Variants in BICD1 observed in about 807,000 individuals in gnomAD.
BICD1 encodes the protein BICD cargo adaptor 1.
BICD1 carries 35 observed loss-of-function variants against 92.5 expected under a neutral mutation model. The observed-to-expected ratio is 0.38, with a 90% confidence interval of 0.29 to 0.50. The LOEUF is 0.50. BICD1 is among the 20% of genes least tolerant of loss of function. The pLI is 0.93. For synonymous variants in BICD1, 429 were observed against 465.1 expected, an observed-to-expected ratio of 0.92 and a Z score of 1.00; for missense variants, 950 against 1,189.8, an observed-to-expected ratio of 0.80 and a Z score of 2.97.
At chr12:32,309,604 C>T (rs929354328) in intron 4 of BICD1, among the ~76,000 whole-genome samples, 4 of 152,080 alleles carry the variant, frequency 2.6e-5, no homozygotes. Context: ...CTGAATACTG[C>T]CAAGTGAGTT....
chr12:32,136,299 G>A (rs560141371), intron 1 of BICD1, among the ~76,000 whole-genome samples: 4 of 152,286 alleles, frequency 2.6e-5, no homozygotes, highest in Admixed American at 6.5e-5. Flanking sequence ...AGGTCTGAAC[G>A]TCACACTGTT....
chr12:32,108,435 G>A (rs2121113167), intron 1 of BICD1: 1 of 414,820 alleles, frequency 2.4e-6, no homozygotes, highest in Non-Finnish European at 4.3e-6. Context: ...TCACTCTTAA[G>A]AACATACATA....
At chr12:32,241,294 T>C (rs541161349) in intron 2 of BICD1, among the ~76,000 whole-genome samples, 1 of 152,342 alleles carries the variant, frequency 6.6e-6, no homozygotes, top group South Asian at 2.1e-4. Context: ...TGGGAATAGC[T>C]GCATGTATAA....
intron 2 of BICD1, among the ~76,000 whole-genome samples, chr12:32,234,385 G>A (rs936623957): frequency 6.6e-6 from 1 of 151,748 alleles, no homozygotes; most frequent in Non-Finnish European, 1.5e-5. Flanking sequence ...ATCACCGGAG[G>A]TCGGGGGTTC....
At chr12:32,169,888 G>A (rs1446215995) in intron 1 of BICD1, among the ~76,000 whole-genome samples, 1 of 152,146 alleles carries the variant, frequency 6.6e-6, no homozygotes, top group African/African-American at 2.4e-5. Context: ...GAGCCACTGC[G>A]CCTGGCCCCC....
chr12:32,157,604 C>G (rs1268254629), intron 1 of BICD1, among the ~76,000 whole-genome samples: 1 of 152,120 alleles, frequency 6.6e-6, no homozygotes, highest in Non-Finnish European at 1.5e-5. Context: ...CCTGGGTGCC[C>G]AAGGATACCT....
chr12:32,294,202 C>G, intron 3 of BICD1, 56 bp downstream of exon 3: 1 of 1,481,048 alleles, frequency 6.8e-7, no homozygotes. Flanking sequence ...CTTCTGACCA[C>G]TAGGGTTAAA....
chr12:32,317,208 T>TAC, intron 4 of BICD1, among the ~76,000 whole-genome samples: 1 of 152,368 alleles, frequency 6.6e-6, no homozygotes, highest in Non-Finnish European at 1.5e-5. Flanking sequence ...TTATAATCCT[T>TAC]TGGGTATATA....
chr12:32,356,513 C>T (rs1265037931), intron 8 of BICD1, among the ~76,000 whole-genome samples: 2 of 151,780 alleles, frequency 1.3e-5, no homozygotes, highest in South Asian at 2.1e-4. Context: ...ATTAGCTGGG[C>T]GTAGTGGCAC....
chr12:32,107,449 G>A lies in BICD1; in HGVS notation c.118G>A (p.Val40Met). ...GATCCAGGCTGCCGAGTACGGGCTG[G>A]TGGTGCTGGAGGAGAAGCTGACCCT... ...EKIQAAEYGL[V>M]VLEEKLTLKQ... Residue 40 changes from valine (V) to methionine (M), a missense_variant, in exon 1 of 10, where the codon GTG becomes ATG. Physicochemically the swap from Val to Met is conservative, Grantham distance 21. This residue lies in a region of BICD1 where 202 missense variants were observed against 205.3 expected (regional missense o/e 0.98). Transcript: ENST00000652176. 4 of 1,611,880 alleles carry A rather than the reference G, an allele frequency of 2.5e-6. No homozygotes were observed. The highest frequency in any genetic ancestry group is 2.5e-6 in the Non-Finnish European group (3 of 1,179,218).
At chr12:32,160,371 C>T (rs1943563982) in intron 1 of BICD1, among the ~76,000 whole-genome samples, 1 of 152,166 alleles carries the variant, frequency 6.6e-6, no homozygotes, top group Non-Finnish European at 1.5e-5. Flanking sequence ...AATGTAAAGC[C>T]ATCGTTAGCT....
intron 1 of BICD1, among the ~76,000 whole-genome samples, chr12:32,142,453 C>CCTATCTGTCTATCCTATCTAT (rs1942964820): frequency 8.9e-6 from 1 of 112,882 alleles, no homozygotes; most frequent in Non-Finnish European, 1.7e-5. Flanking sequence ...ACCTATCTAT[C>CCTATCTGTCTATCCTATCTAT]CTATCTATCT....
At chr12:32,360,001 C>T (rs986695653) in intron 8 of BICD1, among the ~76,000 whole-genome samples, 2 of 151,936 alleles carry the variant, frequency 1.3e-5, no homozygotes, top group African/African-American at 2.4e-5. Flanking sequence ...CTGGCTAACA[C>T]GGTGAAACCC....
chr12:32,121,688 A>T (rs551677507), intron 1 of BICD1, among the ~76,000 whole-genome samples: 1 of 152,268 alleles, frequency 6.6e-6, no homozygotes, highest in East Asian at 1.9e-4. Flanking sequence ...GACAGCCAAG[A>T]TCGCAACACT....
chr12:32,175,176 T>C (rs1944055282), intron 1 of BICD1, among the ~76,000 whole-genome samples: 1 of 152,234 alleles, frequency 6.6e-6, no homozygotes, highest in Non-Finnish European at 1.5e-5. Context: ...TCTTGTTTAC[T>C]AGTTTATCCC....
At chr12:32,343,751 C>T (rs1329192081) in intron 8 of BICD1, among the ~76,000 whole-genome samples, 1 of 152,172 alleles carries the variant, frequency 6.6e-6, no homozygotes, top group African/African-American at 2.4e-5. Context: ...GAAAATGTTT[C>T]TGTGATATTT....
chr12:32,233,049 A>T lies in BICD1; in HGVS notation c.426+16590A>T, dbSNP rs560417785. On this transcript the variant is annotated intron_variant, in intron 2 of 9. Coordinates refer to ENST00000652176, the MANE Select transcript of BICD1 (RefSeq NM_001714.4). ...GCAACTCTGGCACTGACATAGGTTTAAAAAAATTATGTTTTAAAAGTAATC... is the reference window on the plus strand; with the variant it reads ...GCAACTCTGGCACTGACATAGGTTTTAAAAAATTATGTTTTAAAAGTAATC... Among the ~76,000 whole-genome samples, 24 of 152,266 alleles carry T rather than the reference A, an allele frequency of 1.6e-4. No homozygotes were observed. In the South Asian group the frequency reaches 4.4e-3, roughly 28 times the overall value.
chr12:32,234,671 C>CTTTTTTTTTTTTTTT, intron 2 of BICD1, among the ~76,000 whole-genome samples: 1 of 120,738 alleles, frequency 8.3e-6, no homozygotes, highest in Non-Finnish European at 1.7e-5. Context: ...TTTTTTCTTT[C>CTTTTTTTTTTTTTTT]TTTTTTTTTT....
chr12:32,196,410 A>G (rs986869930), intron 1 of BICD1, among the ~76,000 whole-genome samples: 4 of 152,254 alleles, frequency 2.6e-5, no homozygotes, highest in Non-Finnish European at 5.9e-5. Flanking sequence ...GAATGAATAA[A>G]GAAAATGTGG....
Sources: gnomAD v4.1 joint callset for allele counts (sites outside exome capture counted in the v4.1 genomes callset) on GRCh38, gnomAD v4.1.1 for gene constraint, gnomAD v4.1.1 regional missense constraint, MANE v1.5 for transcripts, NCBI Gene and HGNC (gene_info 2026-07-23, HGNC 2026-07-21) for gene names.